TMCO4: variants seen among roughly 807,000 people sequenced by gnomAD.
TMCO4 encodes the protein transmembrane and coiled-coil domain-containing protein 4.
Under a neutral mutation model 64.7 loss-of-function variants are expected in TMCO4, and 58 were observed. The ratio of observed to expected loss-of-function variants is 0.90; its 90% CI spans 0.73 to 1.12. The LOEUF (loss-of-function observed/expected upper bound fraction) is 1.12. Ranked by LOEUF, TMCO4 falls within the 50% of genes most tolerant of loss-of-function variation. The pLI is 0.00. For synonymous variants in TMCO4, 325 were observed against 346.1 expected (o/e 0.94, Z 0.68); for missense variants, 780 against 825.9 (o/e 0.94, Z 0.68).
At position 19,734,023 on chromosome 1, in the gene TMCO4, G is replaced by A. The variant is rs929244209; in HGVS notation, c.1264+3349C>T. On this transcript the variant is annotated intron_variant, in intron 13 of 15. Transcript: ENST00000294543. The surrounding 1 kb of genome is among the most constrained non-coding windows in gnomAD (Gnocchi z 4.4). ...TGTGTCTGGTGCATGAAAACGCAGT[G>A]TATTCCATAAGTGTGTGCTGTGTGG... is the stretch of plus-strand genomic sequence containing the variant. Among the ~76,000 whole-genome samples, 20 of 152,182 alleles carry A rather than the reference G, an allele frequency of 1.3e-4. No homozygotes were observed. Among genetic ancestry groups the A allele is most frequent in the African/African-American group, 4.8e-4 (20 of 41,428 alleles).
rs973550402 is a variant in TMCO4 at position 19,682,407 on chromosome 1, CG to C, written c.*632del. ...TTAGTGGTGTCCAGATGTTGCATGA[CG>C]GGGGAGCACACTCACATTGTGTCTG... On this transcript the variant is annotated 3_prime_UTR_variant, in exon 16 of 16. Coordinates refer to ENST00000294543, the MANE Select transcript of TMCO4 (RefSeq NM_181719.7). 161 of 555,766 alleles carry C rather than the reference CG, an allele frequency of 2.9e-4. No homozygotes were observed. Among genetic ancestry groups the C allele is most frequent in the Non-Finnish European group, 4.9e-4 (153 of 309,664 alleles). 34.4% of individuals were successfully genotyped at this position (555,766 alleles called of 1,614,324 possible).
chr1:19,723,405 C>T (rs2095394726), intron 13 of TMCO4, among the ~76,000 whole-genome samples: 1 of 152,272 alleles, frequency 6.6e-6, no homozygotes, highest in African/African-American at 2.4e-5. Flanking sequence ...CCCCCAGATC[C>T]AGGGCTGGAG....
intron 2 of TMCO4, among the ~76,000 whole-genome samples, chr1:19,793,791 C>A (rs894898432): frequency 1.3e-5 from 2 of 152,200 alleles, no homozygotes; most frequent in Non-Finnish European, 2.9e-5. Flanking sequence ...TGTGTGCCTA[C>A]ATTTACCACT....
At chr1:19,691,960 T>C (rs897205748) in intron 15 of TMCO4, among the ~76,000 whole-genome samples, 5 of 152,210 alleles carry the variant, frequency 3.3e-5, no homozygotes, top group Admixed American at 1.3e-4. Flanking sequence ...TCTTGCCTGC[T>C]GCCATGTAAG....
Position 19,737,377 on chromosome 1 carries a change from T to C in TMCO4, c.1259A>G (p.Glu420Gly). 3 of 1,613,180 alleles carry C rather than the reference T, an allele frequency of 1.9e-6. 1 individual carries two copies. In the South Asian group the frequency reaches 3.3e-5, roughly 18 times the overall value. Residue 420 changes from glutamate to glycine, a missense_variant, in exon 13 of 16, where the codon GAG becomes GGG. Physicochemically the swap from Glu to Gly is moderately conservative, Grantham distance 98 (BLOSUM62 -2). Transcript: ENST00000294543. ...IYFCLQEMAQ[E>G]KDCQGIIEDV... is the part of the protein sequence containing the mutation. ...TGACAATAATCCATGCTCACCTTTC[T>C]CTTGAGCCATCTCCTGCAGACAGAA...
intron 13 of TMCO4, among the ~76,000 whole-genome samples, chr1:19,710,444 T>C (rs2095325685): frequency 6.6e-6 from 1 of 152,202 alleles, no homozygotes; most frequent in East Asian, 1.9e-4. Context: ...TCCTCTTCTT[T>C]ATCATCATCA....
intron 13 of TMCO4, among the ~76,000 whole-genome samples, chr1:19,710,070 C>T (rs766740151): frequency 1.3e-5 from 2 of 151,508 alleles, no homozygotes; most frequent in African/African-American, 4.9e-5. Flanking sequence ...TGTGAGCCAC[C>T]GTGCCCAGCC....
chr1:19,683,303 C>T lies in TMCO4; in HGVS notation c.1642G>A (p.Ala548Thr), dbSNP rs764824776. 2 of 1,614,028 alleles carry T rather than the reference C, an allele frequency of 1.2e-6. No individual in the cohort carries two copies. Among genetic ancestry groups the T allele is most frequent in the Non-Finnish European group, 1.7e-6 (2 of 1,179,942 alleles). Residue 548 changes from alanine (A) to threonine (T), a missense_variant, in exon 16 of 16, where the codon GCT becomes ACT. Transcript: ENST00000294543. ...GGGGTCTCGCCTGATGAGGCGGCAGCTGCTGCCTGGCGAGGCTCCTCGGAG... is the reference window on the plus strand; with the variant it reads ...GGGGTCTCGCCTGATGAGGCGGCAGTTGCTGCCTGGCGAGGCTCCTCGGAG... Reference protein sequence around the residue: ...LPSEEPRQAAAAASSGETPHQ... With the variant: ...LPSEEPRQAATAASSGETPHQ...
chr1:19,722,137 T>G (rs1174592384), intron 13 of TMCO4, among the ~76,000 whole-genome samples: 1 of 152,220 alleles, frequency 6.6e-6, no homozygotes, highest in Non-Finnish European at 1.5e-5. Context: ...AGATGGATGA[T>G]GTCAAGGGGA....
rs1287806712 is a variant in TMCO4, at chr1:19,682,634, G to A, written c.*406C>T. On this transcript the variant is annotated 3_prime_UTR_variant, in exon 16 of 16. Coordinates refer to ENST00000294543, the MANE Select transcript of TMCO4 (RefSeq NM_181719.7). ...GAACAGGCATGCACCTGGTTTTATTGAGGCCAGGGGAGAGCTGGTGTGGGA... is the reference window on the plus strand; with the variant it reads ...GAACAGGCATGCACCTGGTTTTATTAAGGCCAGGGGAGAGCTGGTGTGGGA... The A allele has an allele frequency of 3.1e-5, 22 of 717,418 alleles. No homozygotes were observed. The Admixed American group carries it at 4.4e-4, about 14-fold the overall frequency. 44.4% of individuals were successfully genotyped at this position (717,418 alleles called of 1,614,324 possible).
chr1:19,720,481 T>C (rs1056186199), intron 13 of TMCO4, among the ~76,000 whole-genome samples: 24 of 152,256 alleles, frequency 1.6e-4, no homozygotes, highest in Middle Eastern at 3.4e-3. Context: ...CCTGCCTCCC[T>C]TGCATTGGAT....
At chr1:19,724,258 G>A (rs976808268) in intron 13 of TMCO4, among the ~76,000 whole-genome samples, 2 of 152,178 alleles carry the variant, frequency 1.3e-5, no homozygotes, top group Admixed American at 6.5e-5. Context: ...GAATAAGAAA[G>A]GAACACTTAC....
intron 15 of TMCO4, among the ~76,000 whole-genome samples, chr1:19,689,205 T>G (rs2095173003): frequency 6.6e-6 from 1 of 152,184 alleles, no homozygotes; most frequent in South Asian, 2.1e-4. Flanking sequence ...AGCAAAGCAT[T>G]TTCAAGGAAA....
chr1:19,748,114 C>T (rs972017540), intron 7 of TMCO4, among the ~76,000 whole-genome samples: 3 of 152,220 alleles, frequency 2.0e-5, no homozygotes. Context: ...GTTATTGTAC[C>T]CATATTATAG....
chr1:19,762,818 T>C (rs1187810832), intron 6 of TMCO4, among the ~76,000 whole-genome samples: 2 of 152,178 alleles, frequency 1.3e-5, no homozygotes, highest in Non-Finnish European at 2.9e-5. Flanking sequence ...GTAGGGATGG[T>C]GGGTCGGGGC....
chr1:19,741,206 A>G (rs1018312497), intron 10 of TMCO4, among the ~76,000 whole-genome samples: 2 of 152,208 alleles, frequency 1.3e-5, no homozygotes, highest in African/African-American at 4.8e-5. Flanking sequence ...CTTGTGCCTC[A>G]CTTTGCTTCT....
chr1:19,791,751 C>T (rs1449945911), intron 2 of TMCO4, among the ~76,000 whole-genome samples: 1 of 152,192 alleles, frequency 6.6e-6, no homozygotes, highest in Non-Finnish European at 1.5e-5. Context: ...CCAGCAGCGC[C>T]CTGGGGCTCA....
Position 19,682,905 on chromosome 1 carries a change from C to T in TMCO4, c.*135G>A. The T allele has an allele frequency of 1.6e-6, 2 of 1,222,906 alleles. No individual in the cohort carries two copies. The highest frequency in any genetic ancestry group is 1.2e-6 in the Non-Finnish European group (1 of 865,872). 75.8% of individuals were successfully genotyped at this position (1,222,906 alleles called of 1,614,324 possible). The stretch of plus-strand genomic sequence containing the variant: ...CCTTCCTTCCATTTCCTTTCCCTTT[C>T]AGTTCCAATTCCTTCCATTTAGGAA... On this transcript the variant is annotated 3_prime_UTR_variant, in exon 16 of 16. Coordinates refer to ENST00000294543, the MANE Select transcript of TMCO4 (RefSeq NM_181719.7).
At chr1:19,790,156 C>T (rs947080853) in intron 2 of TMCO4, among the ~76,000 whole-genome samples, 4 of 151,532 alleles carry the variant, frequency 2.6e-5, no homozygotes, top group Admixed American at 6.6e-5. Flanking sequence ...TTCTTTACAC[C>T]GTATACAAAA....
Sources: allele counts gnomAD v4.1 joint callset (sites outside exome capture counted in the v4.1 genomes callset), GRCh38; gene constraint gnomAD v4.1.1; non-coding constraint Gnocchi (gnomAD v3.1); transcripts MANE v1.5; gene names NCBI Gene and HGNC (gene_info 2026-07-23, HGNC 2026-07-21).